The following KDM6B variants were observed in gnomAD, a reference collection of about 807,000 sequenced individuals.
KDM6B encodes the protein lysine-specific demethylase 6B.
In KDM6B, 22 loss-of-function variants were observed where a neutral mutation model predicts 150.4. That is an observed-to-expected ratio of 0.15 (90% CI 0.10 to 0.21). The LOEUF (loss-of-function observed/expected upper bound fraction) is 0.21, where lower values mean the gene tolerates loss of function less well. Ranked by LOEUF, KDM6B falls within the 10% of genes least tolerant of loss-of-function variation. The pLI is 1.00. For missense variants in KDM6B, 1,984 were observed against 2,234.3 expected (o/e 0.89, Z 2.26); for synonymous variants, 1,148 against 921.1 (o/e 1.25, Z -4.46).
rs143830362 is a variant in KDM6B at position 7,846,465 on chromosome 17, G to A, written c.522G>A (p.Glu174=). The A allele has an allele frequency of 1.2e-4, 191 of 1,611,214 alleles. 1 individual carries two copies. The African/African-American group carries it at 2.3e-3, about 19-fold the overall frequency. Reference sequence around the variant, plus strand: ...GAGCCAAGGTCCTGCCCCCACTGGAGCAAGTGTGGAACTTGCTACACCTTG... The same window carrying A: ...GAGCCAAGGTCCTGCCCCCACTGGAACAAGTGTGGAACTTGCTACACCTTG... ...QHRAKVLPPL[E]QVWNLLHLEH... Residue 174 remains glutamate (E), a synonymous_variant, in exon 8 of 24, where the codon GAG becomes GAA. Coordinates refer to ENST00000448097, the MANE Select transcript of KDM6B (RefSeq NM_001348716.2).
At position 7,846,746 on chromosome 17, in the gene KDM6B, G is replaced by C. The variant is rs750299507; in HGVS notation, c.711+6G>C. On this transcript the variant is annotated splice_donor_region_variant and intron_variant, in intron 9 of 23. Coordinates refer to ENST00000448097, the MANE Select transcript of KDM6B (RefSeq NM_001348716.2). ...GAGGCTGCAACTCTGAACAGGTGTG[G>C]GTATAGGGGGGCCAGCAGGCAGTAA... The C allele has an allele frequency of 1.2e-6, 2 of 1,613,874 alleles. No homozygotes were observed. The highest frequency in any genetic ancestry group is 2.7e-5 in the African/African-American group (2 of 74,874).
Position 7,852,701 on chromosome 17 carries a change from C to T in KDM6B, c.4610+65C>T, listed in dbSNP as rs959382160. The T allele has an allele frequency of 3.1e-6, 5 of 1,598,948 alleles. No homozygotes were observed. The African/African-American group carries it at 6.7e-5, about 21-fold the overall frequency. On this transcript the variant is annotated intron_variant, in intron 21 of 23. Coordinates refer to ENST00000448097, the MANE Select transcript of KDM6B (RefSeq NM_001348716.2). The stretch of plus-strand genomic sequence containing the variant: ...TGGTCCCTTTTCTTGTTCTTCCTGT[C>T]TGACTCCACCCCATTTTTACCTCTC...
chr17:7,844,993 G>GATTC lies in KDM6B; in HGVS notation c.-176_-175insATTC. 5.7e-6 allele frequency: 1 copy of GATTC among 175,702 alleles called. No individual in the cohort carries two copies. Among genetic ancestry groups the GATTC allele is most frequent in the South Asian group, 1.1e-4 (1 of 9,038 alleles). The allele number at this position is 175,702 out of a possible 1,614,324, so 10.9% of individuals were successfully genotyped here. ...CCAGATCTCTGGAGCTTGCCGACGCGGTGTGAGGACGCTCCCACGGAGGCC... is the reference window on the plus strand; with the variant it reads ...CCAGATCTCTGGAGCTTGCCGACGCGATTCGTGTGAGGACGCTCCCACGGAGGCC... On this transcript the variant is annotated 5_prime_UTR_variant, in exon 3 of 24. Coordinates refer to ENST00000448097, the MANE Select transcript of KDM6B (RefSeq NM_001348716.2). The surrounding 1 kb of genome is among the most constrained non-coding windows in gnomAD (Gnocchi z 5.9).
At chr17:7,839,748 C>G (rs1375220169) in intron 1 of KDM6B, among the ~76,000 whole-genome samples, 158 bp from the exon 2 acceptor site, 2 of 152,130 alleles carry the variant, frequency 1.3e-5, no homozygotes, top group African/African-American at 4.8e-5. Flanking sequence ...GTTGGATGAC[C>G]ACTTTGGGGA....
In KDM6B at chr17:7,847,197, C is replaced by G. The variant is rs746488335; in HGVS notation, c.1002C>G (p.Pro334=). The change falls in exon 11 of 24, where the codon CCC becomes CCG. Residue 334 remains proline (P), a synonymous_variant. Transcript: ENST00000448097. ...PPGHRLVPAA[P]PGPGPRPPGA... ...GCCACCGGCTGGTCCCGGCTGCTCC[C>G]CCAGGCCCAGGCCCCCGCCCCCCAG... is the stretch of plus-strand genomic sequence containing the variant. 1 of 1,600,502 alleles carries G rather than the reference C, an allele frequency of 6.2e-7. No homozygotes were observed. Among genetic ancestry groups the G allele is most frequent in the Non-Finnish European group, 8.5e-7 (1 of 1,176,780 alleles).
chr17:7,850,935 AG>A (rs1482626255), intron 14 of KDM6B, 85 bp from the exon 15 acceptor site: 26 of 1,196,610 alleles, frequency 2.2e-5, no homozygotes, highest in Non-Finnish European at 2.8e-5. Context: ...TCAGAGCCAG[AG>A]GAGTAGGAAG....
chr17:7,848,213 C>A lies in KDM6B; in HGVS notation c.1925C>A (p.Pro642Gln), dbSNP rs201403136. Residue 642 changes from proline to glutamine, a missense_variant, in exon 12 of 24, where the codon CCG becomes CAG. Physicochemically the swap from Pro to Gln is moderately conservative, Grantham distance 76. This residue lies in a region of KDM6B where 1,379 missense variants were observed against 1,275.6 expected (regional missense o/e 1.08). Coordinates refer to ENST00000448097, the MANE Select transcript of KDM6B (RefSeq NM_001348716.2). ...VSFPKTPEVG[P>Q]GPPPGPLSKA... ...TTCCCAAAGACCCCCGAGGTGGGGC[C>A]GGGGCCACCCCCAGGCCCCCTGAGT... 1 of 1,610,008 alleles carries A rather than the reference C, an allele frequency of 6.2e-7. No individual in the cohort carries two copies. Among genetic ancestry groups the A allele is most frequent in the Non-Finnish European group, 8.5e-7 (1 of 1,177,718 alleles).
At chr17:7,838,811 G>A (rs1380195946) in intron 1 of KDM6B, among the ~76,000 whole-genome samples, 3 of 151,998 alleles carry the variant, frequency 2.0e-5, no homozygotes, top group Non-Finnish European at 2.9e-5. Context: ...CCCTTCCCGA[G>A]CAGAAGGGCC....
intron 7 of KDM6B, 29 bp from the exon 8 acceptor site, chr17:7,846,371 G>GGGGGGGGGGGGGGGGGCCCCCCCC: frequency 6.7e-7 from 1 of 1,488,918 alleles, no homozygotes; most frequent in Non-Finnish European, 9.2e-7. Context: ...CCTGACATCT[G>GGGGGGGGGGGGGGGGGCCCCCCCC]CCCCTGCCCC....
At chr17:7,835,452 G>A (rs2151365203) in intron 1 of KDM6B, among the ~76,000 whole-genome samples, 1 of 152,180 alleles carries the variant, frequency 6.6e-6, no homozygotes, top group East Asian at 1.9e-4. Context: ...GGACTCGGTG[G>A]TTGTCCGGAG....
rs201938457 is a variant in KDM6B, at chr17:7,845,914, A to T, written c.180A>T (p.Leu60=). 5 of 1,613,288 alleles carry T rather than the reference A, an allele frequency of 3.1e-6. No homozygotes were observed. Among genetic ancestry groups the T allele is most frequent in the Non-Finnish European group, 4.2e-6 (5 of 1,179,818 alleles). The change falls in exon 6 of 24, where the codon CTA becomes CTT. Residue 60 remains leucine, a synonymous_variant. Coordinates refer to ENST00000448097, the MANE Select transcript of KDM6B (RefSeq NM_001348716.2). ...SIGQPPLPAP[L]PPSHGSSSGH... ...GGCAGCCCCCGCTTCCTGCTCCCCTACCCCCTTCACATGGCAGTAGTTCTG... is the reference window on the plus strand; with the variant it reads ...GGCAGCCCCCGCTTCCTGCTCCCCTTCCCCCTTCACATGGCAGTAGTTCTG...
rs1451831142 is a variant in KDM6B at position 7,843,921 on chromosome 17, C to T, written c.-268-980C>T. Among the ~76,000 whole-genome samples the T allele has an allele frequency of 6.6e-6, 1 of 151,212 alleles. No homozygotes were observed. ...CTGTGCCAGTCGGGGGTCCAGTCGGCACCAAAGCGAAAGGGTGGGGGGGGC... is the reference window on the plus strand; with the variant it reads ...CTGTGCCAGTCGGGGGTCCAGTCGGTACCAAAGCGAAAGGGTGGGGGGGGC... On this transcript the variant is annotated intron_variant, in intron 2 of 23. Transcript: ENST00000448097. The surrounding 1 kb of genome is among the most constrained non-coding windows in gnomAD (Gnocchi z 4.5).
rs1420438408 is a variant in KDM6B at position 7,843,766 on chromosome 17, GCC to G, written c.-268-1134_-268-1133del. 3.3e-5 allele frequency among the ~76,000 whole-genome samples: 5 copies of G among 152,118 alleles called. No homozygotes were observed. Among genetic ancestry groups the G allele is most frequent in the African/African-American group, 1.2e-4 (5 of 41,426 alleles). The stretch of plus-strand genomic sequence containing the variant: ...GACTCTCAATGGACCGATCCCGGGA[GCC>G]GAGTCGGCTCCCTACCTGCGGGGAC... On this transcript the variant is annotated intron_variant, in intron 2 of 23. Transcript: ENST00000448097. This position sits in a 1 kb window ranked among gnomAD's most constrained non-coding sequence, Gnocchi z 4.5.
Position 7,849,109 on chromosome 17 carries a change from ACAG to A in KDM6B, c.2825_2827del (p.Ala942del), listed in dbSNP as rs539231212. 4.8e-5 allele frequency: 78 copies of A among 1,612,518 alleles called. No homozygotes were observed. In the South Asian group the frequency reaches 7.4e-4, roughly 15 times the overall value. ...CACTGACCCAGCCGACCCAGTGGAC[ACAG>A]CAGAGCCAGCGGACAGTGGGACTGA... is the stretch of plus-strand genomic sequence containing the variant. On this transcript the variant is annotated inframe_deletion, in exon 12 of 24. Coordinates refer to ENST00000448097, the MANE Select transcript of KDM6B (RefSeq NM_001348716.2).
At position 7,848,979 on chromosome 17, in the gene KDM6B, A is replaced by ACCCCCC; in HGVS notation, c.2693_2694insCCCCCC (p.Pro900_Pro901dup). The ACCCCCC allele has an allele frequency of 1.3e-6, 2 of 1,518,716 alleles. No individual in the cohort carries two copies. Among genetic ancestry groups the ACCCCCC allele is most frequent in the Non-Finnish European group, 1.8e-6 (2 of 1,113,418 alleles). 94.1% of individuals were successfully genotyped at this position (1,518,716 alleles called of 1,614,324 possible). A position where few individuals can be genotyped will look rare whatever the true frequency, so the allele number is the denominator to read the frequency against. On this transcript the variant is annotated inframe_insertion, in exon 12 of 24. Transcript: ENST00000448097. ...TCCCGGGCCCCATGACCCCCACCCA[A>ACCCCCC]CCGCCCCCACCCCTATCTCTGCCCC... is the stretch of plus-strand genomic sequence containing the variant.
At chr17:7,851,920 C>T (rs200301302) in intron 18 of KDM6B, 31 bp from the exon 19 acceptor site, 3 of 1,610,264 alleles carry the variant, frequency 1.9e-6, no homozygotes, top group African/African-American at 1.3e-5. Flanking sequence ...CCGACCTGGC[C>T]AGCCATGCCG....
Position 7,844,626 on chromosome 17 carries a change from G to A in KDM6B, c.-268-275G>A, listed in dbSNP as rs916020539. Among the ~76,000 whole-genome samples, 6 of 152,312 alleles carry A rather than the reference G, an allele frequency of 3.9e-5. No homozygotes were observed. Among genetic ancestry groups the A allele is most frequent in the African/African-American group, 1.4e-4 (6 of 41,578 alleles). ...GGGCTACTCGAGCAGCCTGGCCGTG[G>A]CCACCGGCGGCTCTGGGTGCTTGAG... On this transcript the variant is annotated intron_variant, in intron 2 of 23. Transcript: ENST00000448097. The surrounding 1 kb of genome is among the most constrained non-coding windows in gnomAD (Gnocchi z 5.9).
chr17:7,840,707 A>G (rs1045287848), intron 2 of KDM6B: 6 of 152,118 alleles, frequency 3.9e-5, no homozygotes, highest in African/African-American at 1.2e-4. Context: ...CTCATTACAT[A>G]TGGGGTTTCT....
chr17:7,848,244 C>T lies in KDM6B; in HGVS notation c.1956C>T (p.Ala652=), dbSNP rs751530868. The part of the protein sequence containing the change: ...PGPPPGPLSK[A]PQPVPPGVGE... Reference sequence around the variant, plus strand: ...CACCCCCAGGCCCCCTGAGTAAAGCCCCCCAGCCTGTGCCGCCCGGGGTTG... The same window carrying T: ...CACCCCCAGGCCCCCTGAGTAAAGCTCCCCAGCCTGTGCCGCCCGGGGTTG... Residue 652 remains alanine (A), a synonymous_variant, in exon 12 of 24, where the codon GCC becomes GCT. Coordinates refer to ENST00000448097, the MANE Select transcript of KDM6B (RefSeq NM_001348716.2). 5.0e-6 allele frequency: 8 copies of T among 1,611,984 alleles called. No homozygotes were observed. Among genetic ancestry groups the T allele is most frequent in the South Asian group, 1.1e-5 (1 of 91,074 alleles).
Sources: gnomAD v4.1 joint callset for allele counts (sites outside exome capture counted in the v4.1 genomes callset) on GRCh38, gnomAD v4.1.1 for gene constraint, gnomAD v4.1.1 regional missense constraint, Gnocchi (gnomAD v3.1) non-coding constraint, MANE v1.5 for transcripts, NCBI Gene and HGNC (gene_info 2026-07-23, HGNC 2026-07-21) for gene names.